The following FHIT variants were observed in gnomAD, a reference collection of about 807,000 sequenced individuals.
FHIT encodes the protein fragile histidine triad diadenosine triphosphatase.
In FHIT, 19 loss-of-function variants were observed where a neutral mutation model predicts 17.9. The ratio of observed to expected loss-of-function variants is 1.06; its 90% CI spans 0.74 to 1.56. The LOEUF (loss-of-function observed/expected upper bound fraction) is 1.56. FHIT is among the 40% of genes most tolerant of loss of function. The probability of loss-of-function intolerance (pLI) is 0.00; values close to 1 mark genes in which losing one functional copy is unlikely to be tolerated. For synonymous variants in FHIT, 81 were observed against 69.7 expected (o/e 1.16, Z -0.81); for missense variants, 248 against 189.2 (o/e 1.31, Z -1.82).
chr3:59,967,068 C>A (rs1707961021), intron 7 of FHIT, among the ~76,000 whole-genome samples: 1 of 151,972 alleles, frequency 6.6e-6, no homozygotes, highest in African/African-American at 2.4e-5. Flanking sequence ...CACACACACA[C>A]ACATTAGTCT....
intron 4 of FHIT, among the ~76,000 whole-genome samples, chr3:60,559,602 C>T (rs2036860167): frequency 6.6e-6 from 1 of 152,082 alleles, no homozygotes; most frequent in South Asian, 2.1e-4. Flanking sequence ...TGTTCTGATC[C>T]TCAAAAACTG....
chr3:60,121,057 ATCT>A (rs1705223756), intron 5 of FHIT, among the ~76,000 whole-genome samples: 1 of 152,130 alleles, frequency 6.6e-6, no homozygotes, highest in Admixed American at 6.5e-5. Flanking sequence ...GAATCATGAA[ATCT>A]TCTTGTGATT....
At chr3:61,164,272 C>A (rs1191763933) in intron 2 of FHIT, among the ~76,000 whole-genome samples, 1 of 152,146 alleles carries the variant, frequency 6.6e-6, no homozygotes, top group African/African-American at 2.4e-5. Flanking sequence ...TGAACCTGAA[C>A]AAAGGCAAAG....
intron 8 of FHIT, among the ~76,000 whole-genome samples, chr3:59,767,083 C>T (rs293604): frequency 0.99 from 150,378 of 152,330 alleles, 74,256 homozygotes; most frequent in Middle Eastern, 1. Flanking sequence ...TTGCAAATGG[C>T]TATTTGGGCC....
chr3:59,953,367 G>A (rs12487051), intron 7 of FHIT, among the ~76,000 whole-genome samples: 18,735 of 151,946 alleles, frequency 0.12, 1,300 homozygotes, highest in South Asian at 0.15. Flanking sequence ...CCTCCAGTGA[G>A]TGTCTCCCTA....
chr3:60,201,651 G>C (rs900925517), intron 5 of FHIT, among the ~76,000 whole-genome samples: 6 of 152,058 alleles, frequency 3.9e-5, no homozygotes, highest in African/African-American at 7.2e-5. Context: ...CAGTACTGAA[G>C]TTCATGGCCT....
chr3:60,136,810 A>G (rs760414854), intron 5 of FHIT, among the ~76,000 whole-genome samples: 122 of 152,128 alleles, frequency 8.0e-4, no homozygotes, highest in Non-Finnish European at 1.5e-3. Context: ...TGTCTCCACA[A>G]AAGGAGTATC....
chr3:59,983,456 G>A lies in FHIT; in HGVS notation c.279+27915C>T, dbSNP rs1006103789. On this transcript the variant is annotated intron_variant, in intron 7 of 9. Coordinates refer to ENST00000492590, the MANE Select transcript of FHIT (RefSeq NM_002012.4). ...GAAAAAGACCACAATTATTAACTTT[G>A]TACTACAATATATTGGTATAGTTGT... is the stretch of plus-strand genomic sequence containing the variant. Among the ~76,000 whole-genome samples the A allele has an allele frequency of 2.0e-5, 3 of 151,942 alleles. No homozygotes were observed. The South Asian group carries it at 6.2e-4, about 32-fold the overall frequency.
At chr3:60,771,545 G>T (rs900529444) in intron 4 of FHIT, among the ~76,000 whole-genome samples, 4 of 152,174 alleles carry the variant, frequency 2.6e-5, no homozygotes, top group African/African-American at 7.2e-5. Context: ...TGAGAGGGGG[G>T]TCTCACTGCC....
At chr3:60,076,506 G>A (rs187562989) in intron 5 of FHIT, among the ~76,000 whole-genome samples, 2 of 152,182 alleles carry the variant, frequency 1.3e-5, no homozygotes, top group Admixed American at 1.3e-4. Flanking sequence ...CAAACTAAGA[G>A]CTTTCAGAAG....
Position 60,692,252 on chromosome 3 carries a change from T to C in FHIT, c.-18+129667A>G, listed in dbSNP as rs551204698. 1.3e-4 allele frequency among the ~76,000 whole-genome samples: 20 copies of C among 152,256 alleles called. 1 individual carries two copies. The highest frequency in any genetic ancestry group is 7.9e-4 in the Admixed American group (12 of 15,282). ...TGTGACAGATCCTGACAAACATATT[T>C]CCAAAAATATTACTGCCCTATTTAG... On this transcript the variant is annotated intron_variant, in intron 4 of 9. Transcript: ENST00000492590.
chr3:60,033,061 A>G (rs1701067564), intron 5 of FHIT, among the ~76,000 whole-genome samples: 1 of 152,214 alleles, frequency 6.6e-6, no homozygotes, highest in Non-Finnish European at 1.5e-5. Context: ...ATTGGATTAA[A>G]ACAGCACTAA....
chr3:60,168,154 G>A (rs185958732), intron 5 of FHIT, among the ~76,000 whole-genome samples: 1 of 152,290 alleles, frequency 6.6e-6, no homozygotes, highest in East Asian at 1.9e-4. Context: ...CTCCTAGTCA[G>A]TACACAGACG....
chr3:59,997,841 G>C (rs1200606453), intron 7 of FHIT, among the ~76,000 whole-genome samples: 1 of 152,096 alleles, frequency 6.6e-6, no homozygotes, highest in Non-Finnish European at 1.5e-5. Flanking sequence ...TAAGGCTCAG[G>C]AGACAGTGGG....
intron 5 of FHIT, among the ~76,000 whole-genome samples, chr3:60,246,829 G>A (rs1306143082): frequency 1.3e-5 from 2 of 152,036 alleles, no homozygotes; most frequent in Admixed American, 1.3e-4. Flanking sequence ...TTCTTGACCT[G>A]CCAAATGTTC....
intron 5 of FHIT, among the ~76,000 whole-genome samples, chr3:60,027,322 C>T (rs775701131): frequency 5.3e-4 from 80 of 152,182 alleles, no homozygotes; most frequent in Non-Finnish European, 8.2e-4. Context: ...AACAGTTTCA[C>T]ATTTGTATAT....
chr3:60,393,436 C>T (rs1209922105), intron 5 of FHIT, among the ~76,000 whole-genome samples: 2 of 149,296 alleles, frequency 1.3e-5, no homozygotes, highest in African/African-American at 4.9e-5. Context: ...TTACATATAA[C>T]TTATGTATAT....
At chr3:59,991,321 A>G (rs1709224071) in intron 7 of FHIT, among the ~76,000 whole-genome samples, 2 of 152,080 alleles carry the variant, frequency 1.3e-5, no homozygotes, top group Non-Finnish European at 2.9e-5. Flanking sequence ...TAGAAAAAAG[A>G]CTAAGATCTT....
intron 5 of FHIT, among the ~76,000 whole-genome samples, chr3:60,524,609 T>C (rs1446267305): frequency 6.6e-6 from 1 of 152,164 alleles, no homozygotes; most frequent in Non-Finnish European, 1.5e-5. Context: ...GATGCTGTCA[T>C]GGTTTTGGAG....
Sources: allele counts gnomAD v4.1 joint callset (sites outside exome capture counted in the v4.1 genomes callset), GRCh38; gene constraint gnomAD v4.1.1; transcripts MANE v1.5; gene names NCBI Gene and HGNC (gene_info 2026-07-23, HGNC 2026-07-21).